MYOF: variants seen among roughly 807,000 people sequenced by gnomAD.
MYOF encodes fer-1-like 3, myoferlin.
Under a neutral mutation model 284.2 loss-of-function variants are expected in MYOF, and 244 were observed. The ratio of observed to expected loss-of-function variants is 0.86; its 90% confidence interval spans 0.77 to 0.95. MYOF has a LOEUF of 0.95. MYOF is among the 40% of genes least tolerant of loss of function. The pLI, the probability that MYOF is intolerant of heterozygous loss-of-function variation, is 0.00. For missense variants in MYOF, 2,496 were observed against 2,560.6 expected (o/e 0.97, Z 0.54); for synonymous variants, 904 against 919.7 (o/e 0.98, Z 0.31).
At chr10:93,463,886 AG>A (rs1411332801) in intron 1 of MYOF, among the ~76,000 whole-genome samples, 2,842 of 115,700 alleles carry the variant, frequency 0.025, 105 homozygotes, top group East Asian at 0.22. Context: ...AAAAAAAAAA[AG>A]GCCTGAAAGA....
chr10:93,337,557 A>G (rs1843672139), intron 40 of MYOF: 2 of 427,526 alleles, frequency 4.7e-6, no homozygotes, highest in African/African-American at 4.0e-5. Flanking sequence ...GTGCCAGCCC[A>G]TTCCCAACCA....
intron 4 of MYOF, among the ~76,000 whole-genome samples, chr10:93,430,719 A>G: frequency 6.6e-6 from 1 of 152,138 alleles, no homozygotes; most frequent in East Asian, 1.9e-4. Context: ...GTTAACACCC[A>G]CATGGCTAAG....
At chr10:93,372,218 G>A (rs1419415960) in intron 24 of MYOF, among the ~76,000 whole-genome samples, 1 of 152,182 alleles carries the variant, frequency 6.6e-6, no homozygotes, top group African/African-American at 2.4e-5. Flanking sequence ...GAGAGATGAC[G>A]TCAAAACATA....
chr10:93,446,097 A>G (rs941182480), intron 3 of MYOF, among the ~76,000 whole-genome samples: 1 of 152,044 alleles, frequency 6.6e-6, no homozygotes, highest in Non-Finnish European at 1.5e-5. Context: ...GCTAATGATC[A>G]TGATTCCCAG....
chr10:93,323,387 T>C (rs1842918943), intron 46 of MYOF, 29 bp from the exon 47 acceptor site: 1 of 1,553,232 alleles, frequency 6.4e-7, no homozygotes, highest in Non-Finnish European at 8.8e-7. Context: ...AAAAGAGGAC[T>C]GAAGTTATAT....
chr10:93,345,237 C>T (rs1844134115), intron 37 of MYOF, among the ~76,000 whole-genome samples: 1 of 152,194 alleles, frequency 6.6e-6, no homozygotes, highest in Non-Finnish European at 1.5e-5. Flanking sequence ...CTTACATGAC[C>T]TCACTTAGTA....
intron 3 of MYOF, among the ~76,000 whole-genome samples, chr10:93,448,613 G>A (rs2056503786): frequency 6.6e-6 from 1 of 152,168 alleles, no homozygotes; most frequent in Non-Finnish European, 1.5e-5. Context: ...CAACCAGGCT[G>A]GTGGCTGTGG....
intron 1 of MYOF, among the ~76,000 whole-genome samples, chr10:93,465,734 C>T (rs148708549): frequency 0.047 from 7,130 of 152,038 alleles, 221 homozygotes; most frequent in Non-Finnish European, 0.07. Context: ...AGGCTGGTCT[C>T]GAACTCCTGA....
chr10:93,325,683 T>C (rs1843012653), intron 46 of MYOF, 143 bp downstream of exon 46: 2 of 1,135,086 alleles, frequency 1.8e-6, no homozygotes, highest in Non-Finnish European at 2.5e-6. Flanking sequence ...AAATTCCCTT[T>C]TGATATGACG....
In MYOF at chr10:93,397,431, T is replaced by C. The variant is rs767585455; in HGVS notation, c.1247A>G (p.Asn416Ser). 6.2e-6 allele frequency: 10 copies of C among 1,610,834 alleles called. No homozygotes were observed. Among genetic ancestry groups the C allele is most frequent in the Middle Eastern group, 1.7e-4 (1 of 6,050 alleles). Residue 416 changes from asparagine (N) to serine (S), a missense_variant, in exon 14 of 54, where the codon AAT becomes AGT. This residue lies in a region of MYOF where 2,436 missense variants were observed against 2,480.7 expected (regional missense o/e 0.98). Coordinates refer to ENST00000359263, the MANE Select transcript of MYOF (RefSeq NM_013451.4). ...GACCTGATTCCACTCTGGGTTTGCA[T>C]TTTTCTCAATTATGTTTGTACAAAC... The part of the protein sequence containing the change: ...KKVCTNIIEK[N>S]ANPEWNQVVN...
At chr10:93,354,553 ACTT>A (rs1488290666) in intron 31 of MYOF, among the ~76,000 whole-genome samples, 1 of 152,170 alleles carries the variant, frequency 6.6e-6, no homozygotes, top group African/African-American at 2.4e-5. Flanking sequence ...TTTCTATACT[ACTT>A]CAGCATCAGA....
intron 36 of MYOF, among the ~76,000 whole-genome samples, chr10:93,348,412 A>T (rs537737757): frequency 6.6e-6 from 1 of 152,260 alleles, no homozygotes; most frequent in East Asian, 1.9e-4. Context: ...ACAATGCCTG[A>T]TTGGGGAATC....
intron 1 of MYOF, among the ~76,000 whole-genome samples, chr10:93,475,845 C>T (rs1430710411): frequency 6.6e-6 from 1 of 152,014 alleles, no homozygotes; most frequent in Non-Finnish European, 1.5e-5. Flanking sequence ...AAACAAGGCA[C>T]GTTAATTAAT....
intron 53 of MYOF, among the ~76,000 whole-genome samples, chr10:93,307,749 C>T (rs1842186328): frequency 6.6e-6 from 1 of 151,196 alleles, no homozygotes; most frequent in Non-Finnish European, 1.5e-5. Flanking sequence ...CTCAGCCTCC[C>T]AAGTAGCTGG....
Position 93,328,931 on chromosome 10 carries a change from G to C in MYOF, c.4983-20C>G. 6.3e-7 allele frequency: 1 copy of C among 1,579,418 alleles called. No homozygotes were observed. The highest frequency in any genetic ancestry group is 1.3e-5 in the African/African-American group (1 of 74,590). On this transcript the variant is annotated intron_variant, in intron 44 of 53. Transcript: ENST00000359263. ...CCAGAACTGTGAATAGCATCACGTG[G>C]CTCGGAGTTACGGAGGAGCCTGCAG...
intron 37 of MYOF, among the ~76,000 whole-genome samples, chr10:93,344,264 G>A (rs374572992): frequency 2.0e-5 from 3 of 152,264 alleles, no homozygotes; most frequent in East Asian, 3.9e-4. Context: ...GTGGGGAACC[G>A]ACATTTTTTA....
chr10:93,477,896 G>T (rs939234294), intron 1 of MYOF, among the ~76,000 whole-genome samples: 1 of 151,916 alleles, frequency 6.6e-6, no homozygotes. Context: ...ACAAAGACAC[G>T]CACCACAGGG....
At chr10:93,454,256 T>C (rs1057459434) in intron 2 of MYOF, among the ~76,000 whole-genome samples, 10 of 152,094 alleles carry the variant, frequency 6.6e-5, no homozygotes, top group African/African-American at 2.4e-4. Flanking sequence ...ATTTCATTTG[T>C]GTTTGGTTTC....
At position 93,340,184 on chromosome 10, in the gene MYOF, G is replaced by A. The variant is rs199546728; in HGVS notation, c.4327-20C>T. The stretch of plus-strand genomic sequence containing the variant: ...TGTCAGCTGCTCGTGCACATGTCCC[G>A]TGAGGAAGAGGGCAAACCATATAAC... On this transcript the variant is annotated intron_variant, in intron 38 of 53. Coordinates refer to ENST00000359263, the MANE Select transcript of MYOF (RefSeq NM_013451.4). 476 of 1,613,886 alleles carry A rather than the reference G, an allele frequency of 2.9e-4. No individual in the cohort carries two copies. The highest frequency in any genetic ancestry group is 4.9e-4 in the Middle Eastern group (3 of 6,062).
Sources: allele counts gnomAD v4.1 joint callset (sites outside exome capture counted in the v4.1 genomes callset), GRCh38; gene constraint gnomAD v4.1.1; regional missense constraint gnomAD v4.1.1; transcripts MANE v1.5; gene names NCBI Gene and HGNC (gene_info 2026-07-23, HGNC 2026-07-21).